Variants in BFSP2 observed in about 807,000 individuals in gnomAD.
The protein encoded by BFSP2 is beaded filament structural protein 2.
Under a neutral mutation model 44.9 loss-of-function variants are expected in BFSP2, and 38 were observed. The observed-to-expected ratio is 0.85, with a 90% CI of 0.65 to 1.11. BFSP2 has a LOEUF of 1.11. Among genes scored for constraint, BFSP2 ranks in the 50% least tolerant of loss-of-function variants. The pLI is 0.00. For missense variants in BFSP2, 525 were observed against 533.0 expected (o/e 0.99, Z 0.15); for synonymous variants, 197 against 209.9 (o/e 0.94, Z 0.53).
chr3:133,438,598 GA>G (rs35440996), intron 1 of BFSP2, among the ~76,000 whole-genome samples: 5 of 152,128 alleles, frequency 3.3e-5, no homozygotes, highest in African/African-American at 1.2e-4. Flanking sequence ...GCGGGGAGAG[GA>G]AAGTGTGGGT....
chr3:133,400,127 G>A lies in BFSP2; in HGVS notation c.44G>A (p.Ser15Asn). ...RVVVDLPTSA[S>N]SSMPLQRRRA... ...GTAGTGGACTTGCCCACCAGTGCCA[G>A]CTCCAGCATGCCCCTCCAGAGGCGC... The change falls in exon 1 of 7, where the codon AGC (serine) becomes AAC (asparagine). Residue 15 changes from serine to asparagine, a missense_variant. Physicochemically the swap from Ser to Asn is conservative, Grantham distance 46 (BLOSUM62 1). Transcript: ENST00000302334. The surrounding 1 kb of genome is among the most constrained non-coding windows in gnomAD (Gnocchi z 4.0). The A allele has an allele frequency of 6.2e-7, 1 of 1,614,194 alleles. No homozygotes were observed. Among genetic ancestry groups the A allele is most frequent in the Non-Finnish European group, 8.5e-7 (1 of 1,180,038 alleles).
Position 133,410,474 on chromosome 3 carries a change from C to G in BFSP2, c.489+9902C>G, listed in dbSNP as rs1035778184. 41 of 279,834 alleles carry G rather than the reference C, an allele frequency of 1.5e-4. No homozygotes were observed. In the Admixed American group the frequency reaches 1.7e-3, roughly 11 times the overall value. The allele number at this position is 279,834 out of a possible 1,614,324, so 17.3% of individuals were successfully genotyped here. ...AACCCCAGGCTGTCTCTTCGTTAAG[C>G]TCCAGTCATTCCAGCTCTCATGGGA... On this transcript the variant is annotated intron_variant, in intron 1 of 6. Transcript: ENST00000302334.
rs71136470 is a variant in BFSP2 at position 133,465,001 on chromosome 3, C to CT, written c.892-1809dup. ...CTATGAGCCACTTGACTTGGGGTTT[C>CT]TTTTTTTTTTTTTTTTTTCTTTTTG... On this transcript the variant is annotated intron_variant, in intron 4 of 6. Coordinates refer to ENST00000302334, the MANE Select transcript of BFSP2 (RefSeq NM_003571.4). Among the ~76,000 whole-genome samples the CT allele has an allele frequency of 9.3e-3, 1,226 of 132,046 alleles. 8 individuals are homozygous for CT. Among genetic ancestry groups the CT allele is most frequent in the African/African-American group, 0.014 (506 of 35,770 alleles). 86.6% of individuals were successfully genotyped at this position (132,046 alleles called of 152,430 possible). A position where few individuals can be genotyped will look rare whatever the true frequency, so the allele number is the denominator to read the frequency against.
chr3:133,429,314 T>C (rs2073684963), intron 1 of BFSP2: 1 of 152,254 alleles, frequency 6.6e-6, no homozygotes, highest in African/African-American at 2.4e-5. Flanking sequence ...TTTTAGGGAA[T>C]TGGCTCACAC....
At chr3:133,438,529 C>T (rs1646731286) in intron 1 of BFSP2, among the ~76,000 whole-genome samples, 1 of 151,900 alleles carries the variant, frequency 6.6e-6, no homozygotes, top group Admixed American at 6.6e-5. Context: ...AGTGGGACTC[C>T]ATCTCAGAAA....
At chr3:133,435,483 T>C (rs2073772002) in intron 1 of BFSP2, among the ~76,000 whole-genome samples, 1 of 152,246 alleles carries the variant, frequency 6.6e-6, no homozygotes, top group Admixed American at 6.5e-5. Flanking sequence ...GTTTCATCTC[T>C]TGTTACAATT....
At chr3:133,461,761 C>T (rs2074065922) in intron 4 of BFSP2, among the ~76,000 whole-genome samples, 1 of 152,212 alleles carries the variant, frequency 6.6e-6, no homozygotes, top group African/African-American at 2.4e-5. Context: ...AGAAGGAACA[C>T]AGTGACATTA....
In BFSP2 at chr3:133,451,128, A is replaced by AG. The variant is rs1232441815; in HGVS notation, c.891+664_891+665insG. Reference sequence around the variant, plus strand: ...TCTGTCTCAAAAAAAAAAAAAAAAAAAGAATATTTGAAAAAATAAATCATC... The same window carrying AG: ...TCTGTCTCAAAAAAAAAAAAAAAAAAGAGAATATTTGAAAAAATAAATCATC... On this transcript the variant is annotated intron_variant, in intron 4 of 6. Transcript: ENST00000302334. Among the ~76,000 whole-genome samples the AG allele has an allele frequency of 3.3e-5, 5 of 151,662 alleles. No individual in the cohort carries two copies. The East Asian group carries it at 9.7e-4, about 29-fold the overall frequency.
intron 4 of BFSP2, among the ~76,000 whole-genome samples, chr3:133,458,950 A>G (rs1213243601): frequency 2.0e-5 from 3 of 152,174 alleles, no homozygotes; most frequent in Non-Finnish European, 2.9e-5. Context: ...TGGTTCCTGA[A>G]GTCCCTGACT....
In BFSP2 at chr3:133,400,505, A is replaced by C. The variant is rs886058009; in HGVS notation, c.422A>C (p.Glu141Ala). 11 of 1,613,968 alleles carry C rather than the reference A, an allele frequency of 6.8e-6. No individual in the cohort carries two copies. In the East Asian group the frequency reaches 8.9e-5, roughly 13 times the overall value. Reference sequence around the variant, plus strand: ...GAAACACAACTGCGGATGCACCTGGAGAGCAAAGCCACACGCTCGGGAAAC... The same window carrying C: ...GAAACACAACTGCGGATGCACCTGGCGAGCAAAGCCACACGCTCGGGAAAC... ...ELETQLRMHL[E>A]SKATRSGNWG... The change falls in exon 1 of 7, where the codon GAG becomes GCG. Residue 141 changes from glutamate (E) to alanine (A), a missense_variant. Coordinates refer to ENST00000302334, the MANE Select transcript of BFSP2 (RefSeq NM_003571.4). This position sits in a 1 kb window ranked among gnomAD's most constrained non-coding sequence, Gnocchi z 4.0.
At chr3:133,450,170 C>T (rs375351121) in intron 3 of BFSP2, 133 bp from the exon 4 acceptor site, 1 of 1,019,288 alleles carries the variant, frequency 9.8e-7, no homozygotes, top group Non-Finnish European at 1.5e-6. Context: ...CTTTCCCAGT[C>T]TCTGTGAAGC....
At chr3:133,403,819 T>TC (rs1237980772) in intron 1 of BFSP2, among the ~76,000 whole-genome samples, 1 of 151,932 alleles carries the variant, frequency 6.6e-6, no homozygotes, top group Non-Finnish European at 1.5e-5. Context: ...ACAGCCTGTC[T>TC]CACCCCCACC....
At chr3:133,462,073 G>C (rs58686151) in intron 4 of BFSP2, among the ~76,000 whole-genome samples, 132,237 of 151,850 alleles carry the variant, frequency 0.87, 57,814 homozygotes, top group East Asian at 0.91. Context: ...GGCAGGCATG[G>C]ACCTGGGAGT....
intron 2 of BFSP2, 142 bp downstream of exon 2, chr3:133,447,541 CT>C (rs1382124991): frequency 1.2e-6 from 1 of 868,104 alleles, no homozygotes. Context: ...GATTATCCAG[CT>C]CACACCCCTC....
chr3:133,457,555 TA>T (rs1014645516), intron 4 of BFSP2, among the ~76,000 whole-genome samples: 23 of 152,186 alleles, frequency 1.5e-4, no homozygotes, highest in South Asian at 1.0e-3. Flanking sequence ...GAAATATATA[TA>T]TTTTTTTTCC....
At chr3:133,430,455 G>A (rs2073702295) in intron 1 of BFSP2, among the ~76,000 whole-genome samples, 1 of 151,962 alleles carries the variant, frequency 6.6e-6, no homozygotes, top group African/African-American at 2.4e-5. Context: ...ATTCTAACTG[G>A]TGTGAGATGG....
intron 3 of BFSP2, 92 bp downstream of exon 3, chr3:133,448,737 T>TTCTG: frequency 1.3e-6 from 2 of 1,500,128 alleles, no homozygotes. Flanking sequence ...AGTAGCTCAT[T>TTCTG]TCTGACTCTC....
At chr3:133,441,092 T>C (rs1433162184) in intron 1 of BFSP2, among the ~76,000 whole-genome samples, 1 of 145,752 alleles carries the variant, frequency 6.9e-6, no homozygotes, top group Non-Finnish European at 1.5e-5. Flanking sequence ...CAGGCTAGAG[T>C]GCAATGGCGC....
At chr3:133,466,677 CAAAAAAAA>C (rs59331608) in intron 4 of BFSP2, 143 bp from the exon 5 acceptor site, 37 of 259,256 alleles carry the variant, frequency 1.4e-4, no homozygotes, top group Non-Finnish European at 2.2e-4. Flanking sequence ...TTCATCTCAA[CAAAAAAAA>C]AAAAAAAAAA....
Sources: gnomAD v4.1 joint callset for allele counts (sites outside exome capture counted in the v4.1 genomes callset) on GRCh38, gnomAD v4.1.1 for gene constraint, Gnocchi (gnomAD v3.1) non-coding constraint, MANE v1.5 for transcripts, NCBI Gene and HGNC (gene_info 2026-07-23, HGNC 2026-07-21) for gene names.